RANBP2: variants seen among roughly 807,000 people sequenced by gnomAD.
RANBP2 encodes RAN binding protein 2.
RANBP2 carries 57 observed loss-of-function variants against 303.6 expected under a neutral mutation model. The observed-to-expected ratio is 0.19, with a 90% CI of 0.15 to 0.23. The LOEUF (loss-of-function observed/expected upper bound fraction) is 0.23. Ranked by LOEUF, RANBP2 falls within the 10% of genes least tolerant of loss-of-function variation. The probability of loss-of-function intolerance (pLI) is 1.00; values close to 1 mark genes in which losing one functional copy is unlikely to be tolerated. For synonymous variants in RANBP2, 1,167 were observed against 1,301.5 expected (o/e 0.90, Z 2.23); for missense variants, 3,138 against 3,780.8 (o/e 0.83, Z 4.46).
At chr2:108,973,118 C>G in the RANBP2 span, among the ~76,000 whole-genome samples, 1 of 152,220 alleles carries the variant, frequency 6.6e-6, no homozygotes. Flanking sequence ...TCCCCATTAG[C>G]TGGGATTAAT....
At chr2:109,490,032 C>G in the RANBP2 span, among the ~76,000 whole-genome samples, 6 of 152,188 alleles carry the variant, frequency 3.9e-5, no homozygotes, top group African/African-American at 1.4e-4. Flanking sequence ...GCCACCGTGC[C>G]CAGCCTGGAT....
chr2:109,288,876 G>A, the RANBP2 span, among the ~76,000 whole-genome samples: 2 of 152,258 alleles, frequency 1.3e-5, no homozygotes, highest in Middle Eastern at 3.4e-3. Context: ...TGGGTGTTCC[G>A]TAAAGAAAGC....
the RANBP2 span, among the ~76,000 whole-genome samples, chr2:109,470,452 G>A: frequency 1.3e-5 from 2 of 152,186 alleles, no homozygotes; most frequent in African/African-American, 4.8e-5. Context: ...CGTCTGGGGA[G>A]ACACCACCCA....
At chr2:108,920,943 C>T in the RANBP2 span, among the ~76,000 whole-genome samples, 1 of 152,116 alleles carries the variant, frequency 6.6e-6, no homozygotes, top group East Asian at 1.9e-4. Context: ...TCGTCTAACT[C>T]AGGCAGTGAA....
downstream of RANBP2, chr2:108,786,686 C>T (rs975987586): frequency 4.0e-5 from 32 of 804,030 alleles, no homozygotes; most frequent in African/African-American, 4.4e-4. Context: ...TCCGGGTCGC[C>T]CCGCCCCGCC....
chr2:109,077,814 T>C, the RANBP2 span, among the ~76,000 whole-genome samples: 92 of 149,518 alleles, frequency 6.2e-4, 2 homozygotes, highest in Non-Finnish European at 1.2e-3. Context: ...ATAACAAGTG[T>C]TGGTGAGGAT....
the RANBP2 span, among the ~76,000 whole-genome samples, chr2:108,858,061 C>T: frequency 0.029 from 4,341 of 152,180 alleles, 193 homozygotes; most frequent in African/African-American, 0.1. Flanking sequence ...CTCTCAAATT[C>T]AGCCAGGTGC....
chr2:109,726,543 C>A, the RANBP2 span, among the ~76,000 whole-genome samples: 1 of 152,102 alleles, frequency 6.6e-6, no homozygotes. Context: ...CAGAGGAGAC[C>A]GTTTCCAAGG....
the RANBP2 span, among the ~76,000 whole-genome samples, chr2:109,600,254 T>C: frequency 6.6e-6 from 1 of 152,190 alleles, no homozygotes; most frequent in South Asian, 2.1e-4. Flanking sequence ...GAAGGCTTTC[T>C]CCCCAGCACC....
At chr2:109,681,486 G>A in the RANBP2 span, among the ~76,000 whole-genome samples, 1 of 152,236 alleles carries the variant, frequency 6.6e-6, no homozygotes, top group Non-Finnish European at 1.5e-5. Context: ...AGATGTTTAA[G>A]ATGGAGAGTA....
the RANBP2 span, among the ~76,000 whole-genome samples, chr2:109,191,467 G>A: frequency 6.6e-6 from 1 of 152,210 alleles, no homozygotes. Context: ...CGGCCAGGCT[G>A]TATTGTTGAG....
the RANBP2 span, among the ~76,000 whole-genome samples, chr2:109,691,403 G>A: frequency 2.6e-5 from 4 of 152,262 alleles, no homozygotes; most frequent in African/African-American, 7.2e-5. Flanking sequence ...GGGTTGGACC[G>A]GGGCCTGGTG....
At chr2:109,430,999 G>T in the RANBP2 span, among the ~76,000 whole-genome samples, 3 of 152,210 alleles carry the variant, frequency 2.0e-5, no homozygotes, top group Non-Finnish European at 2.9e-5. Flanking sequence ...GTTCGAAAAG[G>T]GGGGCAGATT....
At chr2:108,746,146 G>A (rs1237347901) in intron 7 of RANBP2, among the ~76,000 whole-genome samples, 7 of 150,862 alleles carry the variant, frequency 4.6e-5, no homozygotes, top group African/African-American at 7.3e-5. Flanking sequence ...GGGCTCAAGC[G>A]ATCCCCCCAC....
chr2:108,734,057 CAT>C (rs1359851079), intron 4 of RANBP2, among the ~76,000 whole-genome samples: 1 of 151,972 alleles, frequency 6.6e-6, no homozygotes, highest in Non-Finnish European at 1.5e-5. Flanking sequence ...ATATTTTTAA[CAT>C]AGAGTCAAAG....
chr2:109,604,098 A>C, the RANBP2 span, among the ~76,000 whole-genome samples: 6 of 144,030 alleles, frequency 4.2e-5, 1 homozygote, highest in African/African-American at 1.6e-4. Context: ...GGAGGTGGAG[A>C]TTGCAGTGAG....
chr2:109,462,636 G>A, the RANBP2 span, among the ~76,000 whole-genome samples: 1 of 152,196 alleles, frequency 6.6e-6, no homozygotes, highest in African/African-American at 2.4e-5. Context: ...TGAAATAGAG[G>A]CAGGTTAGTG....
the RANBP2 span, among the ~76,000 whole-genome samples, chr2:109,609,247 A>T: frequency 6.6e-6 from 1 of 152,240 alleles, no homozygotes; most frequent in Non-Finnish European, 1.5e-5. Context: ...ACATTCAGCA[A>T]GAATAAAATT....
intron 1 of RANBP2, among the ~76,000 whole-genome samples, chr2:108,726,444 T>TG (rs992989625): frequency 5.9e-5 from 9 of 151,272 alleles, no homozygotes; most frequent in Admixed American, 2.6e-4. Context: ...TTTTGTTTTT[T>TG]TTTTTTTTTG....
Sources: gnomAD v4.1 joint callset for allele counts (sites outside exome capture counted in the v4.1 genomes callset) on GRCh38, gnomAD v4.1.1 for gene constraint, MANE v1.5 for transcripts, NCBI Gene and HGNC (gene_info 2026-07-23, HGNC 2026-07-21) for gene names.